Variants in DCC observed in about 807,000 individuals in gnomAD.
DCC encodes DCC netrin 1 receptor, also known as netrin receptor DCC.
A neutral mutation model predicts 172.5 loss-of-function variants in DCC; 58 were observed. That is an observed-to-expected ratio of 0.34 (90% confidence interval 0.27 to 0.42). The LOEUF (loss-of-function observed/expected upper bound fraction) is 0.42. Among genes scored for constraint, DCC ranks in the 10% least tolerant of loss-of-function variants. The probability of loss-of-function intolerance (pLI) is 1.00; values close to 1 mark genes in which losing one functional copy is unlikely to be tolerated. For synonymous variants in DCC, 709 were observed against 644.5 expected, an observed-to-expected ratio of 1.10 and a Z score of -1.52; for missense variants, 1,740 against 1,791.0, an observed-to-expected ratio of 0.97 and a Z score of 0.51.
intron 12 of DCC, among the ~76,000 whole-genome samples, chr18:53,297,316 C>T (rs530305794): frequency 1.3e-5 from 2 of 152,268 alleles, no homozygotes; most frequent in Non-Finnish European, 2.9e-5. Context: ...TCTTTTCCAT[C>T]AGGTTTACTT....
At chr18:52,804,275 C>G (rs566353023) in intron 2 of DCC, among the ~76,000 whole-genome samples, 1 of 151,694 alleles carries the variant, frequency 6.6e-6, no homozygotes, top group Non-Finnish European at 1.5e-5. Context: ...TTCTTTTTAA[C>G]GAAGGAAGAA....
chr18:52,988,832 A>G (rs893719873), intron 5 of DCC, among the ~76,000 whole-genome samples: 1 of 152,158 alleles, frequency 6.6e-6, no homozygotes, highest in Admixed American at 6.5e-5. Context: ...CACCATCCTT[A>G]TACATACTAA....
intron 9 of DCC, among the ~76,000 whole-genome samples, chr18:53,194,706 GT>G (rs2055418106): frequency 6.6e-6 from 1 of 152,146 alleles, no homozygotes; most frequent in Admixed American, 6.5e-5. Context: ...CTGACCTCAG[GT>G]GATCCACTCA....
chr18:52,770,282 T>C (rs117248904), intron 2 of DCC, among the ~76,000 whole-genome samples: 1 of 152,170 alleles, frequency 6.6e-6, no homozygotes, highest in East Asian at 1.9e-4. Context: ...TCTTGGACTA[T>C]GGAGTAATTT....
At chr18:52,868,831 C>T (rs1478155908) in intron 2 of DCC, among the ~76,000 whole-genome samples, 2 of 152,164 alleles carry the variant, frequency 1.3e-5, no homozygotes, top group Non-Finnish European at 2.9e-5. Flanking sequence ...AGCATGGGGT[C>T]CAGCCACTGC....
intron 25 of DCC, among the ~76,000 whole-genome samples, chr18:53,482,369 C>T (rs973779999): frequency 2.0e-5 from 3 of 152,024 alleles, no homozygotes; most frequent in African/African-American, 7.2e-5. Flanking sequence ...TTTGTAAACC[C>T]TTTGTAATCA....
At chr18:52,587,924 T>C (rs1398515746) in intron 1 of DCC, among the ~76,000 whole-genome samples, 1 of 152,214 alleles carries the variant, frequency 6.6e-6, no homozygotes, top group African/African-American at 2.4e-5. Flanking sequence ...CACTTCCTTA[T>C]GTACCTTACT....
At position 53,342,369 on chromosome 18, in the gene DCC, C is replaced by T. The variant is rs57442117; in HGVS notation, c.2359+2462C>T. Among the ~76,000 whole-genome samples the T allele has an allele frequency of 5.7e-3, 859 of 151,814 alleles. 7 individuals carry two copies. Among genetic ancestry groups the T allele is most frequent in the African/African-American group, 0.02 (814 of 41,474 alleles). On this transcript the variant is annotated intron_variant, in intron 15 of 28. Coordinates refer to ENST00000442544, the MANE Select transcript of DCC (RefSeq NM_005215.4). ...ATTTTACTCCTTTTAGTTCAAGAGC[C>T]CTAGTGCCAGACTTGAAGTATGATA...
At chr18:52,747,641 A>G (rs2036926112) in intron 1 of DCC, among the ~76,000 whole-genome samples, 1 of 152,140 alleles carries the variant, frequency 6.6e-6, no homozygotes, top group Non-Finnish European at 1.5e-5. Context: ...CTTCAGTTTT[A>G]TCATCTCTGT....
At chr18:53,365,002 G>GA (rs35481001) in intron 15 of DCC, among the ~76,000 whole-genome samples, 31,036 of 151,870 alleles carry the variant, frequency 0.2, 3,408 homozygotes, top group Middle Eastern at 0.34. Flanking sequence ...TTAAGGATTT[G>GA]AAAAAAGCAG....
Position 53,295,809 on chromosome 18 carries a change from C to T in DCC, c.1912-9769C>T, listed in dbSNP as rs79556961. Among the ~76,000 whole-genome samples the T allele has an allele frequency of 4.6e-3, 699 of 152,146 alleles. 5 individuals are homozygous for T. Among genetic ancestry groups the T allele is most frequent in the African/African-American group, 0.016 (668 of 41,506 alleles). On this transcript the variant is annotated intron_variant, in intron 12 of 28. Coordinates refer to ENST00000442544, the MANE Select transcript of DCC (RefSeq NM_005215.4). The stretch of plus-strand genomic sequence containing the variant: ...TCCATGTAAATGCATTATTATCTAC[C>T]GTGTTGCCTATGTCAGAAACCTGTC...
At chr18:53,511,334 G>A (rs2046248925) in intron 27 of DCC, among the ~76,000 whole-genome samples, 1 of 152,208 alleles carries the variant, frequency 6.6e-6, no homozygotes, top group Non-Finnish European at 1.5e-5. Context: ...AAGAATATTC[G>A]ACCTGCTAGC....
At chr18:53,033,688 A>G (rs1427344322) in intron 5 of DCC, among the ~76,000 whole-genome samples, 1 of 152,058 alleles carries the variant, frequency 6.6e-6, no homozygotes, top group Non-Finnish European at 1.5e-5. Flanking sequence ...TCAACCACAT[A>G]CAAATATGCC....
intron 16 of DCC, among the ~76,000 whole-genome samples, chr18:53,386,936 C>T (rs1297836435): frequency 6.6e-6 from 1 of 152,152 alleles, no homozygotes; most frequent in African/African-American, 2.4e-5. Flanking sequence ...TCCCCAAACC[C>T]CTGCCACAGA....
chr18:52,353,747 G>C (rs1377029568), intron 1 of DCC, among the ~76,000 whole-genome samples: 7 of 152,158 alleles, frequency 4.6e-5, no homozygotes, highest in African/African-American at 1.7e-4. Flanking sequence ...AAGAGAACAT[G>C]GGGTCTCAGC....
intron 3 of DCC, among the ~76,000 whole-genome samples, chr18:52,920,632 C>G (rs1197553097): frequency 6.6e-6 from 1 of 152,126 alleles, no homozygotes; most frequent in East Asian, 1.9e-4. Context: ...GGCAGTTTCT[C>G]ACAAAGCTAA....
At chr18:53,328,678 G>T (rs899832233) in intron 14 of DCC, among the ~76,000 whole-genome samples, 2 of 152,022 alleles carry the variant, frequency 1.3e-5, no homozygotes, top group Non-Finnish European at 1.5e-5. Context: ...ATGATTACAG[G>T]CATCCACCAC....
At chr18:53,062,749 G>A (rs1208935381) in intron 5 of DCC, among the ~76,000 whole-genome samples, 6 of 152,122 alleles carry the variant, frequency 3.9e-5, no homozygotes, top group Non-Finnish European at 8.8e-5. Flanking sequence ...ATACACTACA[G>A]TAGATAATTG....
At chr18:53,021,009 C>T (rs2041872564) in intron 5 of DCC, among the ~76,000 whole-genome samples, 2 of 152,200 alleles carry the variant, frequency 1.3e-5, no homozygotes. Flanking sequence ...AACCAACCAG[C>T]TGTGGCTTAG....
Sources: allele counts gnomAD v4.1 joint callset (sites outside exome capture counted in the v4.1 genomes callset), GRCh38; gene constraint gnomAD v4.1.1; transcripts MANE v1.5; gene names NCBI Gene and HGNC (gene_info 2026-07-23, HGNC 2026-07-21).